Variants in SUSD5 observed in about 807,000 individuals in gnomAD.
The protein encoded by SUSD5 is sushi domain-containing protein 5.
In SUSD5, 33 loss-of-function variants were observed where a neutral mutation model predicts 29.5. That is an observed-to-expected ratio of 1.12 (90% CI 0.85 to 1.49). The LOEUF (loss-of-function observed/expected upper bound fraction) is 1.49, where lower values mean the gene tolerates loss of function less well. Ranked by LOEUF, SUSD5 falls within the 40% of genes most tolerant of loss-of-function variation. The probability of loss-of-function intolerance (pLI) is 0.00; values close to 1 mark genes in which losing one functional copy is unlikely to be tolerated. For missense variants in SUSD5, 776 were observed against 800.6 expected (o/e 0.97, Z 0.37); for synonymous variants, 308 against 325.3 (o/e 0.95, Z 0.57).
At chr3:33,183,727 C>T (rs1043194567) in intron 3 of SUSD5, among the ~76,000 whole-genome samples, 1 of 151,882 alleles carries the variant, frequency 6.6e-6, no homozygotes, top group Admixed American at 6.6e-5. Context: ...AGTTTCTGAC[C>T]TATATCATTT....
At position 33,207,858 on chromosome 3, in the gene SUSD5, C is replaced by T. The variant is rs2032251530; in HGVS notation, c.359G>A (p.Ser120Asn). 1.9e-6 allele frequency: 3 copies of T among 1,613,956 alleles called. No homozygotes were observed. The highest frequency in any genetic ancestry group is 1.7e-6 in the Non-Finnish European group (2 of 1,179,854). ...GTATGTGCCACCAGGAACTGGGTTG[C>T]TCTCAATTCTCACATCGACAGCTCT... ...IMRAVDVRIE[S>N]NPVPGGTYSA... is the part of the protein sequence containing the mutation. The change falls in exon 3 of 5, where the codon AGC (serine) becomes AAC (asparagine). Residue 120 changes from serine to asparagine, a missense_variant. Transcript: ENST00000309558.
chr3:33,173,526 T>C (rs1304735324), intron 4 of SUSD5, among the ~76,000 whole-genome samples: 1 of 152,176 alleles, frequency 6.6e-6, no homozygotes. Context: ...GGATAGTAAA[T>C]AGCAGTGAAG....
chr3:33,177,118 C>A (rs947327899), intron 3 of SUSD5, among the ~76,000 whole-genome samples: 1 of 152,136 alleles, frequency 6.6e-6, no homozygotes, highest in African/African-American at 2.4e-5. Flanking sequence ...GTTTGTTAAC[C>A]CATTTATGCC....
chr3:33,192,308 G>A (rs2031910083), intron 3 of SUSD5, among the ~76,000 whole-genome samples: 1 of 149,414 alleles, frequency 6.7e-6, no homozygotes, highest in African/African-American at 2.5e-5. Context: ...GGTCAGGCTG[G>A]TTTCGAACTC....
chr3:33,179,004 A>C (rs2125622243), intron 3 of SUSD5, among the ~76,000 whole-genome samples: 1 of 152,198 alleles, frequency 6.6e-6, no homozygotes, highest in Middle Eastern at 3.4e-3. Context: ...AAGGTTGTAG[A>C]GAATTGGCAT....
At chr3:33,172,396 G>C (rs1464582141) in intron 4 of SUSD5, among the ~76,000 whole-genome samples, 1 of 152,210 alleles carries the variant, frequency 6.6e-6, no homozygotes, top group Non-Finnish European at 1.5e-5. Context: ...CCTGCATTTA[G>C]TGCTCATTCA....
intron 4 of SUSD5, among the ~76,000 whole-genome samples, chr3:33,158,893 T>G (rs1004839661): frequency 1.3e-5 from 2 of 152,176 alleles, no homozygotes; most frequent in Non-Finnish European, 2.9e-5. Flanking sequence ...CACACGTCAT[T>G]TTACTAGGGA....
chr3:33,184,342 C>T (rs9872952), intron 3 of SUSD5, among the ~76,000 whole-genome samples: 127,438 of 152,098 alleles, frequency 0.84, 53,792 homozygotes, highest in East Asian at 1. Context: ...CTAGATTCTT[C>T]CAAGATTTTA....
At chr3:33,164,698 A>T (rs1186983134) in intron 4 of SUSD5, among the ~76,000 whole-genome samples, 3 of 152,332 alleles carry the variant, frequency 2.0e-5, no homozygotes, top group African/African-American at 7.2e-5. Context: ...CAGTAGAAAA[A>T]TGGGCAGGAG....
rs1472827759 is a variant in SUSD5 at position 33,204,473 on chromosome 3, A to ACCTGT, written c.409+3334_409+3335insACAGG. Among the ~76,000 whole-genome samples, 262 of 151,962 alleles carry ACCTGT rather than the reference A, an allele frequency of 1.7e-3. 3 individuals are homozygous for ACCTGT. The highest frequency in any genetic ancestry group is 6.0e-3 in the African/African-American group (248 of 41,428). On this transcript the variant is annotated intron_variant, in intron 3 of 4. Transcript: ENST00000309558. This position sits in a 1 kb window ranked among gnomAD's most constrained non-coding sequence, Gnocchi z 4.5. ...GCAGCTGGGACGACAGGTGCCCACTACCACACCCGGCTAATTTTTTTGTAT... is the reference window on the plus strand; with the variant it reads ...GCAGCTGGGACGACAGGTGCCCACTACCTGTCCACACCCGGCTAATTTTTTTGTAT...
Position 33,152,668 on chromosome 3 carries a change from T to C in SUSD5, c.*74A>G, listed in dbSNP as rs2030927883. Reference sequence around the variant, plus strand: ...GCCTCAGTCCACCTGCGTCATGCTCTAGTGAATTATCGTGTGATGTGTCAC... The same window carrying C: ...GCCTCAGTCCACCTGCGTCATGCTCCAGTGAATTATCGTGTGATGTGTCAC... On this transcript the variant is annotated 3_prime_UTR_variant, in exon 5 of 5. Transcript: ENST00000309558. 3 of 1,441,300 alleles carry C rather than the reference T, an allele frequency of 2.1e-6. No individual in the cohort carries two copies. The highest frequency in any genetic ancestry group is 2.5e-4 in the Middle Eastern group (1 of 4,024). 89.3% of individuals were successfully genotyped at this position (1,441,300 alleles called of 1,614,324 possible).
intron 3 of SUSD5, among the ~76,000 whole-genome samples, chr3:33,186,074 C>T (rs546849095): frequency 4.3e-4 from 66 of 152,194 alleles, no homozygotes; most frequent in African/African-American, 1.5e-3. Context: ...GAGGCCAAGG[C>T]GGGCGGATCA....
chr3:33,156,566 C>G (rs1029913060), intron 4 of SUSD5, among the ~76,000 whole-genome samples: 1 of 152,128 alleles, frequency 6.6e-6, no homozygotes, highest in African/African-American at 2.4e-5. Context: ...TCCCCTCTCT[C>G]AATGGTCTTT....
chr3:33,175,278 C>T (rs761764307), intron 3 of SUSD5, among the ~76,000 whole-genome samples: 4 of 152,104 alleles, frequency 2.6e-5, no homozygotes, highest in Non-Finnish European at 4.4e-5. Context: ...ATACTTGTTG[C>T]GTGAATAAAC....
At position 33,153,024 on chromosome 3, in the gene SUSD5, C is replaced by T; in HGVS notation, c.1608G>A (p.Leu536=). 6.2e-7 allele frequency: 1 copy of T among 1,613,760 alleles called. No homozygotes were observed. The highest frequency in any genetic ancestry group is 8.5e-7 in the Non-Finnish European group (1 of 1,179,764). The change falls in exon 5 of 5, where the codon CTG becomes CTA. Residue 536 remains leucine, a synonymous_variant. Transcript: ENST00000309558. Reference sequence around the variant, plus strand: ...CCTGTCCAAAGAAGTCTTCAGACAGCAGGTATGGGAAGCTATCCTGGATCT... The same window carrying T: ...CCTGTCCAAAGAAGTCTTCAGACAGTAGGTATGGGAAGCTATCCTGGATCT... ...VPEIQDSFPY[L]LSEDFFGQEG... is the part of the protein sequence containing the mutation.
At chr3:33,175,862 T>C (rs924321296) in intron 3 of SUSD5, among the ~76,000 whole-genome samples, 7 of 152,262 alleles carry the variant, frequency 4.6e-5, no homozygotes, top group Middle Eastern at 6.8e-3. Context: ...CCAAAGTCCA[T>C]AACTTACCTC....
chr3:33,206,753 T>G (rs2032228931), intron 3 of SUSD5, among the ~76,000 whole-genome samples: 1 of 152,190 alleles, frequency 6.6e-6, no homozygotes, highest in Non-Finnish European at 1.5e-5. Flanking sequence ...TCTTCTGGTA[T>G]TTCACATCAT....
In SUSD5 at chr3:33,153,429, C is replaced by T; in HGVS notation, c.1203G>A (p.Leu401=). 2 of 1,613,898 alleles carry T rather than the reference C, an allele frequency of 1.2e-6. No homozygotes were observed. The highest frequency in any genetic ancestry group is 1.7e-6 in the Non-Finnish European group (2 of 1,179,910). The stretch of plus-strand genomic sequence containing the variant: ...CAGGAGTAACTAGGACGTTTTCATC[C>T]AGCCCTACTGACCCATCCCCTCTGT... ...DGDRGDGSVG[L]DENVLVTPDQ... Residue 401 remains leucine (L), a synonymous_variant, in exon 5 of 5, where the codon CTG becomes CTA. Coordinates refer to ENST00000309558, the MANE Select transcript of SUSD5 (RefSeq NM_015551.2).
In SUSD5 at chr3:33,150,509, CAGT is replaced by C. The variant is rs1364392419; in HGVS notation, c.*2230_*2232del. 2.6e-5 allele frequency: 4 copies of C among 152,150 alleles called. No individual in the cohort carries two copies. The highest frequency in any genetic ancestry group is 5.9e-5 in the Non-Finnish European group (4 of 68,032). The allele number at this position is 152,150 out of a possible 1,614,324, so 9.4% of individuals were successfully genotyped here. ...AGTTAAAAATAGAAAAGTTATCTTGCAGTAGATTAGGATCTAATTTATAAATAT... is the reference window on the plus strand; with the variant it reads ...AGTTAAAAATAGAAAAGTTATCTTGCAGATTAGGATCTAATTTATAAATAT... On this transcript the variant is annotated 3_prime_UTR_variant, in exon 5 of 5. Transcript: ENST00000309558.
Sources: gnomAD v4.1 joint callset for allele counts (sites outside exome capture counted in the v4.1 genomes callset) on GRCh38, gnomAD v4.1.1 for gene constraint, Gnocchi (gnomAD v3.1) non-coding constraint, MANE v1.5 for transcripts, NCBI Gene and HGNC (gene_info 2026-07-23, HGNC 2026-07-21) for gene names.